COMMD10: variants seen among roughly 807,000 people sequenced by gnomAD.
The protein encoded by COMMD10 is COMM domain containing 10.
Under a neutral mutation model 28.9 loss-of-function variants are expected in COMMD10, and 33 were observed. The ratio of observed to expected loss-of-function variants is 1.14; its 90% confidence interval spans 0.87 to 1.53. The LOEUF (loss-of-function observed/expected upper bound fraction) is 1.53. COMMD10 is among the 40% of genes most tolerant of loss of function. COMMD10 has a pLI of 0.00. For synonymous variants in COMMD10, 110 were observed against 81.7 expected, an observed-to-expected ratio of 1.35 and a Z score of -1.87; for missense variants, 310 against 233.4, an observed-to-expected ratio of 1.33 and a Z score of -2.14.
rs187051374 is a variant in COMMD10 at position 116,236,554 on chromosome 5, T to C, written c.511-54963T>C. On this transcript the variant is annotated intron_variant, in intron 5 of 6. Transcript: ENST00000274458. ...TGATCCGTTGGGCCGTGAAAGGACA[T>C]GGAGACCCCTTAAATACACATTACT... is the stretch of plus-strand genomic sequence containing the variant. Among the ~76,000 whole-genome samples the C allele has an allele frequency of 2.0e-4, 29 of 147,424 alleles. 1 individual carries two copies. Among genetic ancestry groups the C allele is most frequent in the Admixed American group, 1.9e-3 (28 of 14,738 alleles).
chr5:116,264,143 A>G (rs1331662306), intron 5 of COMMD10, among the ~76,000 whole-genome samples: 1 of 151,706 alleles, frequency 6.6e-6, no homozygotes, highest in African/African-American at 2.4e-5. Context: ...TCTGTTTCCC[A>G]ACTACCTCTT....
chr5:116,273,836 C>T (rs933858910), intron 5 of COMMD10, among the ~76,000 whole-genome samples: 3 of 151,516 alleles, frequency 2.0e-5, no homozygotes, highest in Admixed American at 6.6e-5. Context: ...ATACTTGGAA[C>T]TAAAGTCATC....
chr5:116,134,695 A>C (rs1019386539), intron 5 of COMMD10, among the ~76,000 whole-genome samples: 5 of 152,258 alleles, frequency 3.3e-5, no homozygotes, highest in South Asian at 4.1e-4. Flanking sequence ...ATCTCGGCTC[A>C]CTGCAGGCTC....
intron 5 of COMMD10, among the ~76,000 whole-genome samples, chr5:116,193,560 A>G (rs981735069): frequency 6.6e-6 from 1 of 152,214 alleles, no homozygotes; most frequent in Non-Finnish European, 1.5e-5. Flanking sequence ...TTAAAGCAAC[A>G]GCAGTTAAAA....
chr5:116,217,621 C>T (rs995992629), intron 5 of COMMD10, among the ~76,000 whole-genome samples: 1 of 152,176 alleles, frequency 6.6e-6, no homozygotes, highest in Non-Finnish European at 1.5e-5. Context: ...GACTGGAGGT[C>T]AGGTCCCAAC....
At chr5:116,146,460 T>C (rs998951720) in intron 5 of COMMD10, among the ~76,000 whole-genome samples, 3 of 151,872 alleles carry the variant, frequency 2.0e-5, no homozygotes, top group African/African-American at 4.8e-5. Context: ...GAATCTGGTA[T>C]TCTTATTTTG....
chr5:116,099,607 C>G (rs1462046479), intron 4 of COMMD10, among the ~76,000 whole-genome samples: 1 of 152,142 alleles, frequency 6.6e-6, no homozygotes, highest in Non-Finnish European at 1.5e-5. Context: ...CTAACACTTG[C>G]TGTCTCTTGT....
At chr5:116,141,641 G>A (rs917313095) in intron 5 of COMMD10, among the ~76,000 whole-genome samples, 15 of 151,702 alleles carry the variant, frequency 9.9e-5, no homozygotes, top group Non-Finnish European at 2.2e-4. Flanking sequence ...TTTATTTATA[G>A]GCATTTTATT....
intron 5 of COMMD10, among the ~76,000 whole-genome samples, chr5:116,159,961 T>C (rs1289228974): frequency 6.6e-6 from 1 of 152,180 alleles, no homozygotes; most frequent in East Asian, 1.9e-4. Flanking sequence ...CCAATAACAT[T>C]GTATTATGAC....
At chr5:116,126,781 A>C (rs1212993857) in intron 4 of COMMD10, among the ~76,000 whole-genome samples, 1 of 152,016 alleles carries the variant, frequency 6.6e-6, no homozygotes, top group African/African-American at 2.4e-5. Flanking sequence ...AATTCAAGAT[A>C]GTTTAAAGAC....
chr5:116,191,910 A>AC (rs1238987488), intron 5 of COMMD10, among the ~76,000 whole-genome samples: 2 of 140,990 alleles, frequency 1.4e-5, no homozygotes, highest in Admixed American at 7.0e-5. Context: ...CCATCCTCCC[A>AC]CCCCCCACTA....
intron 5 of COMMD10, among the ~76,000 whole-genome samples, chr5:116,251,058 C>T (rs1750099100): frequency 6.6e-6 from 1 of 151,922 alleles, no homozygotes; most frequent in Non-Finnish European, 1.5e-5. Context: ...CAAAGCTACC[C>T]ATGTGCACAG....
At chr5:116,177,664 C>A (rs888768194) in intron 5 of COMMD10, among the ~76,000 whole-genome samples, 5 of 152,070 alleles carry the variant, frequency 3.3e-5, no homozygotes, top group Non-Finnish European at 7.4e-5. Context: ...TTTCAAGCAT[C>A]ATTTTCTTCT....
At chr5:116,111,089 A>T (rs1204063599) in intron 4 of COMMD10, among the ~76,000 whole-genome samples, 1 of 152,114 alleles carries the variant, frequency 6.6e-6, no homozygotes. Flanking sequence ...ATAGTCTCTG[A>T]TGATCTTTTG....
chr5:116,272,266 C>T (rs938392988), intron 5 of COMMD10, among the ~76,000 whole-genome samples: 4 of 151,602 alleles, frequency 2.6e-5, no homozygotes, highest in African/African-American at 9.7e-5. Flanking sequence ...TTTTTAAGAT[C>T]AGGAAATAAA....
At chr5:116,145,590 G>T (rs1280091251) in intron 5 of COMMD10, among the ~76,000 whole-genome samples, 1 of 151,748 alleles carries the variant, frequency 6.6e-6, no homozygotes, top group African/African-American at 2.4e-5. Context: ...CTGGAACCTA[G>T]CCATACTCTC....
At chr5:116,168,673 A>G (rs745714685) in intron 5 of COMMD10, among the ~76,000 whole-genome samples, 4 of 152,218 alleles carry the variant, frequency 2.6e-5, no homozygotes, top group Non-Finnish European at 5.9e-5. Flanking sequence ...AAGATTAAGA[A>G]ACTCACTCAA....
chr5:116,136,450 T>C lies in COMMD10; in HGVS notation c.510+2272T>C, dbSNP rs73253219. ...TCTGCGTAGCTAAAAGCATTTTGTA[T>C]GTTGGAAGTGTACTATTTTGACCAC... On this transcript the variant is annotated intron_variant, in intron 5 of 6. Coordinates refer to ENST00000274458, the MANE Select transcript of COMMD10 (RefSeq NM_016144.4). 8.1e-3 allele frequency among the ~76,000 whole-genome samples: 1,232 copies of C among 152,316 alleles called. 22 individuals carry two copies. The highest frequency in any genetic ancestry group is 0.027 in the African/African-American group (1,142 of 41,578).
intron 5 of COMMD10, among the ~76,000 whole-genome samples, chr5:116,284,014 A>G (rs1751148723): frequency 6.6e-6 from 1 of 151,630 alleles, no homozygotes; most frequent in Admixed American, 6.6e-5. Flanking sequence ...TTCTAATCCC[A>G]GCTACTCACA....
Sources: allele counts gnomAD v4.1 joint callset (sites outside exome capture counted in the v4.1 genomes callset), GRCh38; gene constraint gnomAD v4.1.1; transcripts MANE v1.5; gene names NCBI Gene and HGNC (gene_info 2026-07-23, HGNC 2026-07-21).